AGMO: variants seen among roughly 807,000 people sequenced by gnomAD.
The protein encoded by AGMO is glyceryl-ether monooxygenase.
In AGMO, 75 loss-of-function variants were observed where a neutral mutation model predicts 60.2. The observed-to-expected ratio is 1.25, with a 90% confidence interval of 1.03 to 1.51. The LOEUF is 1.51. AGMO is among the 40% of genes most tolerant of loss of function. The pLI is 0.00. For missense variants in AGMO, 763 were observed against 525.5 expected, an observed-to-expected ratio of 1.45 and a Z score of -4.42; for synonymous variants, 261 against 177.1, an observed-to-expected ratio of 1.47 and a Z score of -3.76.
intron 3 of AGMO, among the ~76,000 whole-genome samples, chr7:15,447,673 C>T (rs542539806): frequency 2.6e-5 from 4 of 152,152 alleles, no homozygotes; most frequent in South Asian, 2.1e-4. Context: ...GCCTGAGCCT[C>T]GCAGGTAGCT....
chr7:15,217,156 C>T (rs1484363075), intron 12 of AGMO, among the ~76,000 whole-genome samples: 1 of 151,952 alleles, frequency 6.6e-6, no homozygotes, highest in Non-Finnish European at 1.5e-5. Context: ...TCTATGAGGG[C>T]TGTGGTAGAT....
chr7:15,119,840 G>A, the AGMO span, among the ~76,000 whole-genome samples: 1 of 151,594 alleles, frequency 6.6e-6, no homozygotes, highest in Non-Finnish European at 1.5e-5. Context: ...AAGAACTTTT[G>A]GATATTTCCA....
rs1554261761 is a variant in AGMO, at chr7:15,361,546, A to AAAAAACAAAAAAAAG, written c.1263+3967_1263+3968insCTTTTTTTTGTTTTT. Among the ~76,000 whole-genome samples, 8 of 91,428 alleles carry AAAAAACAAAAAAAAG rather than the reference A, an allele frequency of 8.8e-5. No individual in the cohort carries two copies. The South Asian group carries it at 2.9e-3, about 33-fold the overall frequency. 60.0% of individuals were successfully genotyped at this position (91,428 alleles called of 152,430 possible). On this transcript the variant is annotated intron_variant, in intron 12 of 12. Coordinates refer to ENST00000342526, the MANE Select transcript of AGMO (RefSeq NM_001004320.2). ...CAGAGCGAGACTGTGTCTCAAAAAA[A>AAAAAACAAAAAAAAG]AAAAAAAAGGTTTTGAGATTTAGAT...
At chr7:15,511,725 T>A (rs1783678151) in intron 3 of AGMO, among the ~76,000 whole-genome samples, 1 of 152,208 alleles carries the variant, frequency 6.6e-6, no homozygotes, top group Non-Finnish European at 1.5e-5. Context: ...ACATGTTTCA[T>A]TGTACATGGA....
At chr7:15,247,322 T>G (rs1782769340) in intron 12 of AGMO, among the ~76,000 whole-genome samples, 1 of 151,960 alleles carries the variant, frequency 6.6e-6, no homozygotes, top group South Asian at 2.1e-4. Context: ...TAAAATTTAT[T>G]AAAATTTCAA....
At chr7:15,207,297 C>T (rs4719442) in intron 12 of AGMO, among the ~76,000 whole-genome samples, 1 of 152,032 alleles carries the variant, frequency 6.6e-6, no homozygotes, top group Non-Finnish European at 1.5e-5. Flanking sequence ...TAGATGCTAC[C>T]TTTCTCAAAA....
At chr7:15,288,894 TTCCGTAA>T (rs1784179335) in intron 12 of AGMO, among the ~76,000 whole-genome samples, 1 of 151,578 alleles carries the variant, frequency 6.6e-6, no homozygotes. Context: ...TCTTTAAAGC[TTCCGTAA>T]GTTTTGGCAA....
intron 3 of AGMO, among the ~76,000 whole-genome samples, chr7:15,432,363 C>T (rs370209930): frequency 0.16 from 9,176 of 57,774 alleles, 569 homozygotes; most frequent in African/African-American, 0.24. Flanking sequence ...TATATATATA[C>T]ACACACATAT....
the AGMO span, among the ~76,000 whole-genome samples, chr7:15,159,452 A>G: frequency 2.6e-5 from 4 of 152,206 alleles, no homozygotes; most frequent in African/African-American, 9.6e-5. Context: ...CTCCTAGGGC[A>G]TGAGTCCAGG....
rs114230477 is a variant in AGMO at position 15,391,382 on chromosome 7, T to C, written c.677-477A>G. On this transcript the variant is annotated intron_variant, in intron 6 of 12. Transcript: ENST00000342526. ...GACCTGACTAGTTTTTTTAAGATCA[T>C]AAAAGCCACAGTAAAAAATAAACTA... 4.2e-3 allele frequency among the ~76,000 whole-genome samples: 632 copies of C among 152,206 alleles called. 3 individuals are homozygous for C. Among genetic ancestry groups the C allele is most frequent in the African/African-American group, 0.015 (605 of 41,548 alleles).
intron 12 of AGMO, among the ~76,000 whole-genome samples, chr7:15,220,329 C>A (rs1781881624): frequency 6.7e-6 from 1 of 149,984 alleles, no homozygotes; most frequent in South Asian, 2.1e-4. Flanking sequence ...AAACGATTCT[C>A]CTGCCTCAGC....
intron 6 of AGMO, among the ~76,000 whole-genome samples, chr7:15,391,990 G>A (rs770561406): frequency 1.2e-4 from 19 of 152,202 alleles, no homozygotes; most frequent in Admixed American, 7.2e-4. Flanking sequence ...GGCATGCGAA[G>A]ATGAAGTCAG....
Position 15,466,808 on chromosome 7 carries a change from G to C in AGMO, c.410-35700C>G, listed in dbSNP as rs544619462. ...ACTGTGTCAGCATTGGATAAATAAA[G>C]GATACAGTTGGTTCAAGCAAAATTA... is the stretch of plus-strand genomic sequence containing the variant. On this transcript the variant is annotated intron_variant, in intron 3 of 12. Coordinates refer to ENST00000342526, the MANE Select transcript of AGMO (RefSeq NM_001004320.2). Among the ~76,000 whole-genome samples, 9 of 152,224 alleles carry C rather than the reference G, an allele frequency of 5.9e-5. No homozygotes were observed. The East Asian group carries it at 1.7e-3, about 29-fold the overall frequency.
intron 4 of AGMO, among the ~76,000 whole-genome samples, chr7:15,428,871 AT>A (rs2128497634): frequency 6.6e-6 from 1 of 152,226 alleles, no homozygotes; most frequent in East Asian, 1.9e-4. Flanking sequence ...TAAAAGAGAA[AT>A]ATATAAGTCA....
At chr7:15,385,101 C>T (rs1024365517) in intron 10 of AGMO, among the ~76,000 whole-genome samples, 1 of 152,128 alleles carries the variant, frequency 6.6e-6, no homozygotes, top group Non-Finnish European at 1.5e-5. Flanking sequence ...TATGTTGAAA[C>T]TGATGAAAAG....
chr7:15,317,937 A>ATG (rs1236119295), intron 12 of AGMO, among the ~76,000 whole-genome samples: 3 of 144,582 alleles, frequency 2.1e-5, no homozygotes, highest in South Asian at 2.4e-4. Flanking sequence ...GTATATATAT[A>ATG]TATACACACA....
chr7:15,195,585 G>A (rs1781098694), downstream of AGMO, among the ~76,000 whole-genome samples: 1 of 152,146 alleles, frequency 6.6e-6, no homozygotes, highest in Non-Finnish European at 1.5e-5. Flanking sequence ...CAAAGAAAAG[G>A]GAACATGGAA....
intron 2 of AGMO, among the ~76,000 whole-genome samples, chr7:15,558,870 C>T (rs1279101941): frequency 2.6e-5 from 4 of 151,898 alleles, no homozygotes; most frequent in Non-Finnish European, 2.9e-5. Context: ...TCCCACTGGG[C>T]GGTTAATAGA....
the AGMO span, among the ~76,000 whole-genome samples, chr7:15,174,651 T>C: frequency 1.3e-5 from 2 of 152,032 alleles, no homozygotes; most frequent in Non-Finnish European, 2.9e-5. Context: ...AAATACCCTG[T>C]GTAGACCAAG....
Sources: gnomAD v4.1 joint callset for allele counts (sites outside exome capture counted in the v4.1 genomes callset) on GRCh38, gnomAD v4.1.1 for gene constraint, MANE v1.5 for transcripts, NCBI Gene and HGNC (gene_info 2026-07-23, HGNC 2026-07-21) for gene names.